CC2D2A: variants seen among roughly 807,000 people sequenced by gnomAD.
CC2D2A encodes the protein coiled-coil and C2 domain-containing protein 2A.
A neutral mutation model predicts 212.9 loss-of-function variants in CC2D2A; 155 were observed. The ratio of observed to expected loss-of-function variants is 0.73; its 90% CI spans 0.64 to 0.83. The LOEUF (loss-of-function observed/expected upper bound fraction) is 0.83, where lower values mean the gene tolerates loss of function less well. Ranked by LOEUF, CC2D2A falls within the 40% of genes least tolerant of loss-of-function variation. The pLI is 0.00. For synonymous variants in CC2D2A, 667 were observed against 686.5 expected (o/e 0.97, Z 0.44); for missense variants, 1,856 against 1,956.2 (o/e 0.95, Z 0.97).
rs1417156333 is a variant in CC2D2A at position 15,527,533 on chromosome 4, G to T, written c.1236G>T (p.Gly412=). Residue 412 remains glycine (G), a synonymous_variant, in exon 12 of 37, where the codon GGG becomes GGT. Coordinates refer to ENST00000424120, the MANE Select transcript of CC2D2A (RefSeq NM_001378615.1). The part of the protein sequence containing the change: ...GNFQLDIDIS[G]LIFTHHPCFS... ...TCCAACTGGACATTGATATTTCAGG[G>T]TTAATCTTCACTCATCATCCCTGTT... 6.2e-7 allele frequency: 1 copy of T among 1,613,488 alleles called. No individual in the cohort carries two copies. Among genetic ancestry groups the T allele is most frequent in the Admixed American group, 1.7e-5 (1 of 59,980 alleles).
At chr4:15,575,785 C>T (rs889664848) in intron 29 of CC2D2A, among the ~76,000 whole-genome samples, 7 of 152,160 alleles carry the variant, frequency 4.6e-5, no homozygotes, top group African/African-American at 9.7e-5. Context: ...TTCAAATGAA[C>T]GCCAATAAAC....
intron 29 of CC2D2A, among the ~76,000 whole-genome samples, chr4:15,575,484 G>T (rs1407574008): frequency 6.6e-6 from 1 of 152,118 alleles, no homozygotes; most frequent in African/African-American, 2.4e-5. Flanking sequence ...GTAAGCGTAA[G>T]TTGTTAACTA....
At chr4:15,585,182 G>A (rs1036033214) in intron 30 of CC2D2A, among the ~76,000 whole-genome samples, 1 of 152,164 alleles carries the variant, frequency 6.6e-6, no homozygotes, top group Non-Finnish European at 1.5e-5. Context: ...TATCGAAGAA[G>A]TATCTGCACT....
intron 4 of CC2D2A, among the ~76,000 whole-genome samples, chr4:15,482,605 C>T (rs1393581990): frequency 6.6e-6 from 1 of 152,120 alleles, no homozygotes; most frequent in Non-Finnish European, 1.5e-5. Context: ...CCCTTATGAT[C>T]GCATTTGACC....
At chr4:15,491,703 C>T (rs138145388) in intron 4 of CC2D2A, among the ~76,000 whole-genome samples, 1 of 152,170 alleles carries the variant, frequency 6.6e-6, no homozygotes, top group African/African-American at 2.4e-5. Flanking sequence ...CCGCACCCAG[C>T]TATTTACATT....
Position 15,482,186 on chromosome 4 carries a change from G to C in CC2D2A, c.247+1359G>C, listed in dbSNP as rs10016163. The stretch of plus-strand genomic sequence containing the variant: ...TTGGAAGCAAGTAGACTCTTAGATT[G>C]GAAAAATGTGGTTCTAATCTAAAAG... On this transcript the variant is annotated intron_variant, in intron 4 of 36. Transcript: ENST00000424120. 18,291 of 985,272 alleles carry C rather than the reference G, an allele frequency of 0.019. 2,391 individuals carry two copies. In the African/African-American group the frequency reaches 0.28, roughly 15 times the overall value. The allele number at this position is 985,272 out of a possible 1,614,324, so 61.0% of individuals were successfully genotyped here.
At chr4:15,479,266 A>T (rs376567727) in intron 3 of CC2D2A, 15 of 1,536,724 alleles carry the variant, frequency 9.8e-6, no homozygotes, top group Non-Finnish European at 8.7e-7. Flanking sequence ...ATCCTCCCCC[A>T]CCTCTCCGCA....
chr4:15,574,249 T>A lies in CC2D2A; in HGVS notation c.3694T>A (p.Leu1232Ile). The change falls in exon 29 of 37, where the codon TTA becomes ATA. Residue 1232 changes from leucine to isoleucine, a missense_variant. Leu to Ile is a conservative substitution (Grantham distance 5). Transcript: ENST00000424120. ...LERGFDSVRS[L>I]SEGSYITLFI... ...GCGGGGTTTTGATTCTGTCCGAAGC[T>A]TAAGTGAAGGCTCCTACATTACCCT... 6.4e-7 allele frequency: 1 copy of A among 1,551,648 alleles called. No individual in the cohort carries two copies. The highest frequency in any genetic ancestry group is 8.7e-7 in the Non-Finnish European group (1 of 1,146,944).
At chr4:15,510,278 G>T (rs1195202366) in intron 7 of CC2D2A, 38 bp downstream of exon 7, 4 of 1,567,840 alleles carry the variant, frequency 2.6e-6, no homozygotes, top group Non-Finnish European at 3.5e-6. Context: ...TTGTTTGTTT[G>T]TGTTTTTTAC....
intron 19 of CC2D2A, 78 bp from the exon 20 acceptor site, chr4:15,554,994 C>A: frequency 7.1e-7 from 1 of 1,411,286 alleles, no homozygotes; most frequent in Non-Finnish European, 9.8e-7. Context: ...TCAAGTCATG[C>A]TGTCTCTAGA....
In CC2D2A at chr4:15,473,506, G is replaced by A. The variant is rs561159041; in HGVS notation, c.-18-2409G>A. ...GGTCCTGAGGCAACAGGATTCAAGT[G>A]CAAATCACACAGGGCTTGTAGGCCT... On this transcript the variant is annotated intron_variant, in intron 1 of 36. Coordinates refer to ENST00000424120, the MANE Select transcript of CC2D2A (RefSeq NM_001378615.1). Among the ~76,000 whole-genome samples the A allele has an allele frequency of 8.5e-5, 13 of 152,296 alleles. No individual in the cohort carries two copies. In the South Asian group the frequency reaches 2.7e-3, roughly 32 times the overall value.
In CC2D2A at chr4:15,559,203, A is replaced by T. The variant is rs560021345; in HGVS notation, c.2868A>T (p.Glu956Asp). 1 of 1,553,340 alleles carries T rather than the reference A, an allele frequency of 6.4e-7. No individual in the cohort carries two copies. Among genetic ancestry groups the T allele is most frequent in the Admixed American group, 2.0e-5 (1 of 50,934 alleles). ...EKRLRDRNVI[E>D]TKEHIDTHRA... Reference sequence around the variant, plus strand: ...GGTTACGAGACAGAAATGTAATAGAAACCAAGGAACACATAGACACCCATA... The same window carrying T: ...GGTTACGAGACAGAAATGTAATAGATACCAAGGAACACATAGACACCCATA... Residue 956 changes from glutamate (E) to aspartate (D), a missense_variant, in exon 22 of 37, where the codon GAA (glutamate) becomes GAT (aspartate). Coordinates refer to ENST00000424120, the MANE Select transcript of CC2D2A (RefSeq NM_001378615.1).
chr4:15,596,406 T>G (rs553757050), intron 34 of CC2D2A, among the ~76,000 whole-genome samples, 199 bp downstream of exon 34: 1 of 147,246 alleles, frequency 6.8e-6, no homozygotes, highest in South Asian at 2.2e-4. Flanking sequence ...CTTACACACA[T>G]GTGGAAGAAA....
chr4:15,598,704 C>G (rs1721435865), intron 35 of CC2D2A, among the ~76,000 whole-genome samples: 1 of 152,146 alleles, frequency 6.6e-6, no homozygotes, highest in East Asian at 1.9e-4. Context: ...AAAAATTAAT[C>G]ATCATGGATA....
At chr4:15,549,974 G>T (rs1386282786) in intron 17 of CC2D2A, among the ~76,000 whole-genome samples, 1 of 152,090 alleles carries the variant, frequency 6.6e-6, no homozygotes, top group Non-Finnish European at 1.5e-5. Context: ...AGTAAAATCA[G>T]CATTTTTCAA....
chr4:15,486,466 T>G (rs189884648), intron 4 of CC2D2A, among the ~76,000 whole-genome samples: 1 of 152,186 alleles, frequency 6.6e-6, no homozygotes, highest in East Asian at 1.9e-4. Flanking sequence ...CTCATAATAG[T>G]CTCTAATAAT....
At chr4:15,588,082 G>C (rs1028815883) in intron 32 of CC2D2A, among the ~76,000 whole-genome samples, 153 bp downstream of exon 32, 3 of 152,214 alleles carry the variant, frequency 2.0e-5, no homozygotes, top group African/African-American at 7.2e-5. Flanking sequence ...AGAACTACCA[G>C]TGATAAGACA....
At chr4:15,588,743 A>T (rs762911488) in intron 32 of CC2D2A, among the ~76,000 whole-genome samples, 2 of 151,798 alleles carry the variant, frequency 1.3e-5, no homozygotes, top group Non-Finnish European at 2.9e-5. Context: ...TTCTGTGCCC[A>T]CTCCTCATTA....
intron 4 of CC2D2A, among the ~76,000 whole-genome samples, chr4:15,500,622 TATCACACATATGGAAGAAGGCACAACCC>T (rs1349448276): frequency 6.6e-6 from 1 of 152,240 alleles, no homozygotes; most frequent in Non-Finnish European, 1.5e-5. Context: ...TATAGCTTTC[TATCACACATATGGAAGAAGGCACAACCC>T]AAGAAACGGA....
Sources: allele counts gnomAD v4.1 joint callset (sites outside exome capture counted in the v4.1 genomes callset), GRCh38; gene constraint gnomAD v4.1.1; transcripts MANE v1.5; gene names NCBI Gene and HGNC (gene_info 2026-07-23, HGNC 2026-07-21).